MDH2: variants seen among roughly 807,000 people sequenced by gnomAD.
MDH2 encodes the protein malate dehydrogenase, mitochondrial.
MDH2 carries 25 observed loss-of-function variants against 33.6 expected under a neutral mutation model. The observed-to-expected ratio is 0.74, with a 90% confidence interval of 0.54 to 1.04. The LOEUF (loss-of-function observed/expected upper bound fraction) is 1.04, where lower values mean the gene tolerates loss of function less well. Among genes scored for constraint, MDH2 ranks in the 50% least tolerant of loss-of-function variants. The pLI is 0.00. For synonymous variants in MDH2, 193 were observed against 188.7 expected, an observed-to-expected ratio of 1.02 and a Z score of -0.19; for missense variants, 432 against 445.0, an observed-to-expected ratio of 0.97 and a Z score of 0.26.
chr7:76,051,747 C>T (rs180673892), intron 1 of MDH2, among the ~76,000 whole-genome samples: 2 of 152,278 alleles, frequency 1.3e-5, no homozygotes, highest in African/African-American at 4.8e-5. Flanking sequence ...CAAACCATAA[C>T]ACGTTATAAA....
rs185762873 is a variant in MDH2, at chr7:76,049,944, G to A, written c.66+1718G>A. Among the ~76,000 whole-genome samples the A allele has an allele frequency of 1.4e-3, 214 of 152,238 alleles. 1 individual carries two copies. The highest frequency in any genetic ancestry group is 4.6e-3 in the South Asian group (22 of 4,820). ...CCTCCCAGGTTGGAGCGATTCTCCT[G>A]CCTCAGCCTCCCGAATAGCTGGGAC... On this transcript the variant is annotated intron_variant, in intron 1 of 8. Transcript: ENST00000315758.
chr7:76,060,513 G>C lies in MDH2; in HGVS notation c.555+15G>C. The C allele has an allele frequency of 6.2e-7, 1 of 1,613,502 alleles. No individual in the cohort carries two copies. Among genetic ancestry groups the C allele is most frequent in the Non-Finnish European group, 8.5e-7 (1 of 1,179,704 alleles). On this transcript the variant is annotated intron_variant, in intron 5 of 8. Coordinates refer to ENST00000315758, the MANE Select transcript of MDH2 (RefSeq NM_005918.4). ...CAGAGCTGAAGGTAAGGGCGGCGTG[G>C]GTGTTGCTCAGGTGACCTTTCTGAA...
chr7:76,058,846 G>A (rs532322280), intron 4 of MDH2, among the ~76,000 whole-genome samples: 2 of 152,332 alleles, frequency 1.3e-5, no homozygotes, highest in Admixed American at 1.3e-4. Flanking sequence ...GCTCCTAAGT[G>A]ACTCAGGCAG....
chr7:76,063,199 G>T (rs915275536), intron 5 of MDH2, among the ~76,000 whole-genome samples: 34 of 152,330 alleles, frequency 2.2e-4, no homozygotes, highest in South Asian at 6.2e-4. Context: ...CCCGGGGGGG[G>T]CCTCCACAGG....
chr7:76,057,652 C>T (rs919684336), intron 3 of MDH2, among the ~76,000 whole-genome samples, 159 bp downstream of exon 3: 1 of 152,160 alleles, frequency 6.6e-6, no homozygotes, highest in Non-Finnish European at 1.5e-5. Flanking sequence ...TCTTTGTTGG[C>T]CTGGGATCAA....
In MDH2 at chr7:76,060,450, G is replaced by T; in HGVS notation, c.507G>T (p.Val169=). 1 of 1,614,188 alleles carries T rather than the reference G, an allele frequency of 6.2e-7. No individual in the cohort carries two copies. Among genetic ancestry groups the T allele is most frequent in the Non-Finnish European group, 8.5e-7 (1 of 1,180,030 alleles). The change falls in exon 5 of 9, where the codon GTG becomes GTT. Residue 169 remains valine (V), a synonymous_variant. Transcript: ENST00000315758. ...GVYNPNKIFG[V]TTLDIVRANT... is the part of the protein sequence containing the mutation. ...ACAACCCCAACAAAATCTTCGGCGTGACGACCCTGGACATCGTCAGAGCCA... is the reference window on the plus strand; with the variant it reads ...ACAACCCCAACAAAATCTTCGGCGTTACGACCCTGGACATCGTCAGAGCCA...
intron 8 of MDH2, 92 bp downstream of exon 8, chr7:76,065,045 G>A (rs1030512060): frequency 7.6e-6 from 11 of 1,444,792 alleles, no homozygotes; most frequent in East Asian, 4.6e-5. Flanking sequence ...CCTTTATGCA[G>A]TAAGCTCATG....
Position 76,048,261 on chromosome 7 carries a change from C to T in MDH2, c.66+35C>T, listed in dbSNP as rs575482574. 2.1e-5 allele frequency: 32 copies of T among 1,523,818 alleles called. No individual in the cohort carries two copies. The East Asian group carries it at 5.7e-4, about 27-fold the overall frequency. 94.4% of individuals were successfully genotyped at this position (1,523,818 alleles called of 1,614,324 possible). A position where few individuals can be genotyped will look rare whatever the true frequency, so the allele number is the denominator to read the frequency against. On this transcript the variant is annotated intron_variant, in intron 1 of 8. Coordinates refer to ENST00000315758, the MANE Select transcript of MDH2 (RefSeq NM_005918.4). ...ACGAGGGGCGGCCTGCAGGCGGAGG[C>T]CCCCCGGCCCGGGCCACGTGCGTCC...
chr7:76,057,350 C>G lies in MDH2; in HGVS notation c.236-60C>G. 10 of 1,593,938 alleles carry G rather than the reference C, an allele frequency of 6.3e-6. No homozygotes were observed. The South Asian group carries it at 1.0e-4, about 16-fold the overall frequency. Reference sequence around the variant, plus strand: ...AGTTGGCCTTAAGGCCAGGGCTGAACTTTCCAGGCCTCTCTGAATCAGAAA... The same window carrying G: ...AGTTGGCCTTAAGGCCAGGGCTGAAGTTTCCAGGCCTCTCTGAATCAGAAA... On this transcript the variant is annotated intron_variant, in intron 2 of 8. Coordinates refer to ENST00000315758, the MANE Select transcript of MDH2 (RefSeq NM_005918.4).
At chr7:76,062,165 TC>T (rs1477019275) in intron 5 of MDH2, among the ~76,000 whole-genome samples, 1 of 152,202 alleles carries the variant, frequency 6.6e-6, no homozygotes, top group African/African-American at 2.4e-5. Context: ...TCCTTAAACT[TC>T]CGATGGCTGG....
chr7:76,048,985 G>GGC, intron 1 of MDH2: 1 of 37,450 alleles, frequency 2.7e-5, no homozygotes, highest in Non-Finnish European at 3.7e-5. Context: ...AGACTGCGGG[G>GGC]GGGGGGGGGG....
Position 76,064,360 on chromosome 7 carries a change from C to A in MDH2, c.655C>A (p.Pro219Thr), listed in dbSNP as rs1177120873. ...GCAGTGCACCCCCAAGGTGGACTTTCCCCAGGACCAGCTGACAGCACTCAC... is the reference window on the plus strand; with the variant it reads ...GCAGTGCACCCCCAAGGTGGACTTTACCCAGGACCAGCTGACAGCACTCAC... ...ISQCTPKVDF[P>T]QDQLTALTGR... Residue 219 changes from proline to threonine, a missense_variant, in exon 7 of 9, where the codon CCC becomes ACC. Coordinates refer to ENST00000315758, the MANE Select transcript of MDH2 (RefSeq NM_005918.4). The A allele has an allele frequency of 2.5e-6, 4 of 1,613,096 alleles. No individual in the cohort carries two copies. The highest frequency in any genetic ancestry group is 3.4e-6 in the Non-Finnish European group (4 of 1,179,720).
rs782098912 is a variant in MDH2 at position 76,063,979 on chromosome 7, G to A, written c.634-360G>A. ...GAGCCTGGGAGGTTGAGGCTGCAGC[G>A]AGCTATGATGCACCACTGAAGCCTG... On this transcript the variant is annotated intron_variant, in intron 6 of 8. Coordinates refer to ENST00000315758, the MANE Select transcript of MDH2 (RefSeq NM_005918.4). Among the ~76,000 whole-genome samples the A allele has an allele frequency of 7.2e-5, 11 of 152,078 alleles. 1 individual carries two copies. In the South Asian group the frequency reaches 8.3e-4, roughly 11 times the overall value.
chr7:76,052,562 ATTT>A (rs781982527), intron 1 of MDH2, among the ~76,000 whole-genome samples: 8 of 133,194 alleles, frequency 6.0e-5, no homozygotes, highest in African/African-American at 5.5e-5. Context: ...GCTTTGGAAG[ATTT>A]TTTTTTTTTT....
intron 4 of MDH2, among the ~76,000 whole-genome samples, chr7:76,059,244 A>G (rs1196824425): frequency 1.3e-5 from 2 of 152,220 alleles, no homozygotes; most frequent in African/African-American, 4.8e-5. Flanking sequence ...GCGCCCAGCC[A>G]GTTTAAAACC....
At chr7:76,050,470 CT>C (rs1797587593) in intron 1 of MDH2, among the ~76,000 whole-genome samples, 1 of 152,144 alleles carries the variant, frequency 6.6e-6, no homozygotes, top group Non-Finnish European at 1.5e-5. Context: ...GCTGAGAGCC[CT>C]TGGAGAAGCA....
chr7:76,051,937 G>A lies in MDH2; in HGVS notation c.67-2893G>A, dbSNP rs148372526. Among the ~76,000 whole-genome samples, 990 of 152,290 alleles carry A rather than the reference G, an allele frequency of 6.5e-3. 6 individuals are homozygous for A. Among genetic ancestry groups the A allele is most frequent in the Non-Finnish European group, 0.012 (812 of 68,030 alleles). ...GGCCACCAAAGATTTTCATCTCATTGCAAAGCATGTAAAGATTATACTACT... is the reference window on the plus strand; with the variant it reads ...GGCCACCAAAGATTTTCATCTCATTACAAAGCATGTAAAGATTATACTACT... On this transcript the variant is annotated intron_variant, in intron 1 of 8. Coordinates refer to ENST00000315758, the MANE Select transcript of MDH2 (RefSeq NM_005918.4).
rs1423209166 is a variant in MDH2 at position 76,051,451 on chromosome 7, A to G, written c.66+3225A>G. Among the ~76,000 whole-genome samples the G allele has an allele frequency of 5.9e-5, 9 of 151,440 alleles. No individual in the cohort carries two copies. In the East Asian group the frequency reaches 1.8e-3, roughly 30 times the overall value. On this transcript the variant is annotated intron_variant, in intron 1 of 8. Coordinates refer to ENST00000315758, the MANE Select transcript of MDH2 (RefSeq NM_005918.4). ...ATTCTCCTGCCTCAGCCTTCCGAGT[A>G]GCTGGGATTACAGGCATGCGCCACC...
At chr7:76,049,591 A>G (rs988963113) in intron 1 of MDH2, among the ~76,000 whole-genome samples, 1 of 152,102 alleles carries the variant, frequency 6.6e-6, no homozygotes, top group Non-Finnish European at 1.5e-5. Context: ...CAGCCAACCA[A>G]AGAGAGGACA....
Sources: gnomAD v4.1 joint callset for allele counts (sites outside exome capture counted in the v4.1 genomes callset) on GRCh38, gnomAD v4.1.1 for gene constraint, MANE v1.5 for transcripts, NCBI Gene and HGNC (gene_info 2026-07-23, HGNC 2026-07-21) for gene names.